Variants in FUT9 observed in about 807,000 individuals in gnomAD.
FUT9 encodes 4-galactosyl-N-acetylglucosaminide 3-alpha-L-fucosyltransferase 9.
FUT9 carries 15 observed loss-of-function variants against 29.7 expected under a neutral mutation model. The observed-to-expected ratio is 0.51, with a 90% CI of 0.34 to 0.78. FUT9 has a LOEUF of 0.78. Among genes scored for constraint, FUT9 ranks in the 30% least tolerant of loss-of-function variants. FUT9 has a pLI of 0.01. For synonymous variants in FUT9, 169 were observed against 153.7 expected, an observed-to-expected ratio of 1.10 and a Z score of -0.74; for missense variants, 319 against 425.4, an observed-to-expected ratio of 0.75 and a Z score of 2.20.
intron 2 of FUT9, among the ~76,000 whole-genome samples, chr6:96,164,413 C>T (rs1439371056): frequency 6.6e-6 from 1 of 152,000 alleles, no homozygotes; most frequent in Non-Finnish European, 1.5e-5. Context: ...CGCCTGCCAC[C>T]GCTCCCGGCT....
intron 1 of FUT9, among the ~76,000 whole-genome samples, chr6:96,053,736 A>G (rs927004539): frequency 3.9e-5 from 6 of 152,110 alleles, no homozygotes; most frequent in Non-Finnish European, 8.8e-5. Flanking sequence ...TTATTAACAA[A>G]CATATTTAAA....
intron 2 of FUT9, among the ~76,000 whole-genome samples, chr6:96,193,609 T>G (rs1214878855): frequency 6.6e-6 from 1 of 152,084 alleles, no homozygotes; most frequent in Non-Finnish European, 1.5e-5. Flanking sequence ...TTGGTGGGAC[T>G]GTAAACTAGT....
At chr6:96,103,857 T>A (rs2127957822) in intron 1 of FUT9, among the ~76,000 whole-genome samples, 1 of 152,334 alleles carries the variant, frequency 6.6e-6, no homozygotes, top group South Asian at 2.1e-4. Flanking sequence ...AAATAATTAC[T>A]ATAATAAAGT....
intron 1 of FUT9, among the ~76,000 whole-genome samples, chr6:96,049,422 T>C (rs1770625463): frequency 6.6e-6 from 1 of 152,256 alleles, no homozygotes; most frequent in Admixed American, 6.5e-5. Flanking sequence ...TTTACACATC[T>C]CTTTCTAATA....
intron 1 of FUT9, among the ~76,000 whole-genome samples, chr6:96,039,431 A>T (rs1300376729): frequency 6.6e-6 from 1 of 152,098 alleles, no homozygotes; most frequent in Admixed American, 6.6e-5. Flanking sequence ...AATGCCTGTA[A>T]GTTTCTACTG....
At chr6:96,024,513 T>C (rs533624275) in intron 1 of FUT9, among the ~76,000 whole-genome samples, 1 of 151,828 alleles carries the variant, frequency 6.6e-6, no homozygotes, top group East Asian at 1.9e-4. Context: ...ACCATCTATT[T>C]CATCCTTGGG....
rs1164132499 is a variant in FUT9, at chr6:96,203,700, T to G, written c.545T>G (p.Val182Gly). 6.2e-7 allele frequency: 1 copy of G among 1,613,860 alleles called. No homozygotes were observed. Among genetic ancestry groups the G allele is most frequent in the Non-Finnish European group, 8.5e-7 (1 of 1,180,008 alleles). The change falls in exon 3 of 3, where the codon GTG becomes GGG. Residue 182 changes from valine to glycine, a missense_variant. Coordinates refer to ENST00000302103, the MANE Select transcript of FUT9 (RefSeq NM_006581.4). ...TVSTNPFVFE[V>G]PSKEKLVCWV... ...AGCACAAATCCCTTCGTGTTTGAAG[T>G]GCCAAGCAAAGAGAAATTGGTGTGC...
chr6:96,088,256 A>G (rs913785611), intron 1 of FUT9, among the ~76,000 whole-genome samples: 1 of 152,006 alleles, frequency 6.6e-6, no homozygotes, highest in Non-Finnish European at 1.5e-5. Flanking sequence ...TAAAAAATAT[A>G]AATATAAAAT....
chr6:96,077,042 C>A (rs920256382), intron 1 of FUT9, among the ~76,000 whole-genome samples: 3 of 152,116 alleles, frequency 2.0e-5, no homozygotes, highest in Non-Finnish European at 4.4e-5. Context: ...CACTTCCATT[C>A]CCTCCCCAGC....
At chr6:96,053,569 C>A (rs1770710872) in intron 1 of FUT9, among the ~76,000 whole-genome samples, 1 of 152,098 alleles carries the variant, frequency 6.6e-6, no homozygotes, top group South Asian at 2.1e-4. Context: ...GTTAGCCGGG[C>A]ATGGTGGCAA....
intron 1 of FUT9, among the ~76,000 whole-genome samples, chr6:96,088,774 A>C (rs1232320324): frequency 2.0e-5 from 3 of 152,154 alleles, no homozygotes; most frequent in African/African-American, 7.2e-5. Flanking sequence ...CTTGTAGTCT[A>C]TATCTAAGTA....
chr6:96,131,033 C>G (rs191883923), intron 2 of FUT9, among the ~76,000 whole-genome samples: 53 of 152,214 alleles, frequency 3.5e-4, no homozygotes, highest in Non-Finnish European at 6.5e-4. Flanking sequence ...GAGAATGACA[C>G]AAGATGGTGT....
intron 2 of FUT9, among the ~76,000 whole-genome samples, chr6:96,166,179 C>T (rs1182692883): frequency 1.3e-5 from 2 of 151,884 alleles, no homozygotes; most frequent in Non-Finnish European, 1.5e-5. Context: ...ATGAGATCTT[C>T]TGTACTTTTA....
At chr6:96,102,104 G>T (rs1338294012) in intron 1 of FUT9, among the ~76,000 whole-genome samples, 2 of 151,976 alleles carry the variant, frequency 1.3e-5, no homozygotes, top group African/African-American at 2.4e-5. Context: ...CATGACAATT[G>T]TATGCAGATA....
intron 1 of FUT9, among the ~76,000 whole-genome samples, chr6:96,095,109 A>G (rs1448783800): frequency 6.6e-6 from 1 of 152,122 alleles, no homozygotes; most frequent in African/African-American, 2.4e-5. Context: ...TAAATGTCAC[A>G]TCATCTGTGA....
chr6:96,190,194 G>A (rs1315416817), intron 2 of FUT9, among the ~76,000 whole-genome samples: 5 of 152,098 alleles, frequency 3.3e-5, no homozygotes, highest in Non-Finnish European at 7.3e-5. Context: ...ATGAAATTCT[G>A]GGTTGAAAAT....
intron 1 of FUT9, among the ~76,000 whole-genome samples, chr6:96,033,196 G>T (rs1770293799): frequency 6.6e-6 from 1 of 151,620 alleles, no homozygotes; most frequent in South Asian, 2.1e-4. Flanking sequence ...AAGCTTATTT[G>T]TTATCAGTAG....
intron 1 of FUT9, among the ~76,000 whole-genome samples, chr6:96,089,103 A>G (rs1771369662): frequency 6.6e-6 from 1 of 152,184 alleles, no homozygotes. Context: ...TCGGAATACA[A>G]ACTATAACTA....
At chr6:96,070,950 T>C (rs540365702) in intron 1 of FUT9, among the ~76,000 whole-genome samples, 1 of 152,308 alleles carries the variant, frequency 6.6e-6, no homozygotes, top group South Asian at 2.1e-4. Flanking sequence ...ATCAGATAGA[T>C]GTTAGTCTTC....
Sources: allele counts gnomAD v4.1 joint callset (sites outside exome capture counted in the v4.1 genomes callset), GRCh38; gene constraint gnomAD v4.1.1; transcripts MANE v1.5; gene names NCBI Gene and HGNC (gene_info 2026-07-23, HGNC 2026-07-21).